The following WDR13 variants were observed in gnomAD, a reference collection of about 807,000 sequenced individuals.
WDR13 encodes WD repeat-containing protein 13.
Under a neutral mutation model 28.6 loss-of-function variants are expected in WDR13, and 1 was observed. The observed-to-expected ratio is 0.03, with a 90% CI of 0.01 to 0.17. The LOEUF (loss-of-function observed/expected upper bound fraction) is 0.17. WDR13 is among the 10% of genes least tolerant of loss of function. The pLI is 1.00. For synonymous variants in WDR13, 201 were observed against 185.9 expected, an observed-to-expected ratio of 1.08 and a Z score of -0.66; for missense variants, 264 against 469.3, an observed-to-expected ratio of 0.56 and a Z score of 4.04.
intron 8 of WDR13, 116 bp from the exon 9 acceptor site, chrX:48,604,156 T>A: frequency 1.2e-5 from 7 of 564,065 alleles, no homozygotes; most frequent in Admixed American, 3.9e-5. Context: ...AAAAAAAAAA[T>A]ATGGGTTTCA....
chrX:48,605,116 T>C lies in WDR13; in HGVS notation c.*84T>C. ...GTAAATAAAGTTTCGGTGGTCATGC[T>C]GAGGGCCGGCTCCCAGCTCTGCCGG... On this transcript the variant is annotated 3_prime_UTR_variant, in exon 10 of 10. Transcript: ENST00000376729. 9 of 1,088,471 alleles carry C rather than the reference T, an allele frequency of 8.3e-6. No homozygotes were observed. Among genetic ancestry groups the C allele is most frequent in the Middle Eastern group, 2.5e-4 (1 of 3,964 alleles). 89.7% of individuals were successfully genotyped at this position (1,088,471 alleles called of 1,213,427 possible). A position where few individuals can be genotyped will look rare whatever the true frequency, so the allele number is the denominator to read the frequency against.
intron 8 of WDR13, among the ~76,000 whole-genome samples, chrX:48,603,025 T>C (rs782435819): frequency 9.0e-6 from 1 of 111,028 alleles, no homozygotes; most frequent in African/African-American, 3.3e-5. Context: ...TGTATGTTTT[T>C]GTTTGTTTGT....
rs1054113603 is a variant in WDR13 at position 48,601,650 on chromosome X, C to T, written c.832-134C>T. ...GTGGATTCATGCCTGGTCACCTTGT[C>T]TACCTGCCACAGCCCTATTGTGAAT... On this transcript the variant is annotated intron_variant, in intron 6 of 9. Coordinates refer to ENST00000376729, the MANE Select transcript of WDR13 (RefSeq NM_001347217.2). 1.7e-4 allele frequency: 106 copies of T among 633,624 alleles called. 2 individuals are homozygous for T. In the Admixed American group the frequency reaches 4.6e-3, roughly 27 times the overall value. The allele number at this position is 633,624 out of a possible 1,213,427, so 52.2% of individuals were successfully genotyped here. A position where few individuals can be genotyped will look rare whatever the true frequency, so the allele number is the denominator to read the frequency against.
intron 9 of WDR13, 65 bp downstream of exon 9, chrX:48,604,455 A>G (rs2062208706): frequency 2.0e-6 from 2 of 1,015,534 alleles, no homozygotes; most frequent in African/African-American, 3.7e-5. Context: ...GCTGGTGCCA[A>G]CCTGGCTCAG....
chrX:48,600,867 G>A (rs932555318), intron 6 of WDR13: 7 of 393,812 alleles, frequency 1.8e-5, no homozygotes, highest in East Asian at 8.7e-5. Flanking sequence ...AGGCGGAGGC[G>A]GGCGGATCAC....
chrX:48,598,044 C>A lies in WDR13; in HGVS notation c.41+7C>A. On this transcript the variant is annotated splice_region_variant and intron_variant, in intron 2 of 9. Coordinates refer to ENST00000376729, the MANE Select transcript of WDR13 (RefSeq NM_001347217.2). ...TCTTAGCAGTGGACGCGAGGTGAGG[C>A]GTGGGGTCAAAGCCCATGGGAGCAG... The A allele has an allele frequency of 8.6e-7, 1 of 1,164,632 alleles. No homozygotes were observed.
At chrX:48,604,685 A>G (rs1405651580) in intron 9 of WDR13, among the ~76,000 whole-genome samples, 163 bp from the exon 10 acceptor site, 1 of 112,419 alleles carries the variant, frequency 8.9e-6, no homozygotes, top group African/African-American at 3.2e-5. Flanking sequence ...CAAAACAGCC[A>G]GGTGACCTCC....
At position 48,606,943 on chromosome X, in the gene WDR13, C is replaced by G. The variant is rs181275425; in HGVS notation, c.*1911C>G. 7 of 111,592 alleles carry G rather than the reference C, an allele frequency of 6.3e-5. No individual in the cohort carries two copies. The East Asian group carries it at 2.0e-3, about 31-fold the overall frequency. 9.2% of individuals were successfully genotyped at this position (111,592 alleles called of 1,213,427 possible). ...TTACTTGCACCCCAAGCATTTCTAACTGGCACTTCCATCTAATAGACCTCA... is the reference window on the plus strand; with the variant it reads ...TTACTTGCACCCCAAGCATTTCTAAGTGGCACTTCCATCTAATAGACCTCA... On this transcript the variant is annotated 3_prime_UTR_variant, in exon 10 of 10. Coordinates refer to ENST00000376729, the MANE Select transcript of WDR13 (RefSeq NM_001347217.2).
chrX:48,607,169 C>G lies in WDR13; in HGVS notation c.*2137C>G, dbSNP rs1013886245. The G allele has an allele frequency of 9.1e-6, 1 of 110,370 alleles. No homozygotes were observed. The highest frequency in any genetic ancestry group is 3.3e-5 in the African/African-American group (1 of 30,307). The allele number at this position is 110,370 out of a possible 1,213,427, so 9.1% of individuals were successfully genotyped here. A position where few individuals can be genotyped will look rare whatever the true frequency, so the allele number is the denominator to read the frequency against. On this transcript the variant is annotated 3_prime_UTR_variant, in exon 10 of 10. Transcript: ENST00000376729. The stretch of plus-strand genomic sequence containing the variant: ...ACAAAAAGATATGGAGCAAAATCAG[C>G]AAAAAGAAATGGTGTGCAGGACCAA...
In WDR13 at chrX:48,600,340, A is replaced by G. The variant is rs1556994009; in HGVS notation, c.545A>G (p.Asn182Ser). The G allele has an allele frequency of 8.3e-7, 1 of 1,201,344 alleles. No individual in the cohort carries two copies. The highest frequency in any genetic ancestry group is 3.0e-5 in the East Asian group (1 of 33,786). ...GCAGTCCCAAGGGTGCGCTTCGCCA[A>G]TGATGACCGACACCGCCTGGCCTGC... ...DEAVPRVRFANDDRHRLACCS... is the reference protein window; with the variant it reads ...DEAVPRVRFASDDRHRLACCS... Residue 182 changes from asparagine (N) to serine (S), a missense_variant, in exon 6 of 10, where the codon AAT becomes AGT. Physicochemically the swap from Asn to Ser is conservative, Grantham distance 46 (BLOSUM62 1). Transcript: ENST00000376729.
chrX:48,604,636 C>T lies in WDR13; in HGVS notation c.1274-212C>T, dbSNP rs371664708. On this transcript the variant is annotated intron_variant, in intron 9 of 9. Coordinates refer to ENST00000376729, the MANE Select transcript of WDR13 (RefSeq NM_001347217.2). ...ACTCACACTTTGAACGCACTAACTC[C>T]CCAAACAGCCCAGAGACCTCGCATT... Among the ~76,000 whole-genome samples, 118 of 112,733 alleles carry T rather than the reference C, an allele frequency of 1.0e-3. 1 individual carries two copies. Among genetic ancestry groups the T allele is most frequent in the East Asian group, 9.0e-3 (32 of 3,559 alleles).
intron 1 of WDR13, 149 bp downstream of exon 1, chrX:48,597,763 G>C (rs1252635974): frequency 2.3e-6 from 1 of 435,053 alleles, no homozygotes; most frequent in African/African-American, 2.6e-5. Context: ...TGTCTGTTCT[G>C]AATCGCTGTG....
In WDR13 at chrX:48,602,515, CCTTT is replaced by C. The variant is rs782305826; in HGVS notation, c.1154+313_1154+316del. 3.3e-3 allele frequency among the ~76,000 whole-genome samples: 343 copies of C among 103,936 alleles called. 3 individuals are homozygous for C. The highest frequency in any genetic ancestry group is 0.011 in the African/African-American group (326 of 29,091). The allele number at this position is 103,936 out of a possible 115,157, so 90.3% of individuals were successfully genotyped here. On this transcript the variant is annotated intron_variant, in intron 8 of 9. Coordinates refer to ENST00000376729, the MANE Select transcript of WDR13 (RefSeq NM_001347217.2). ...GCTACTTAAAGCAGAGACCTGTTTT[CCTTT>C]CTTCCTTCCTTCCTTTTTTTTTTTT... is the stretch of plus-strand genomic sequence containing the variant.
At chrX:48,598,293 A>G in intron 2 of WDR13, 2 of 1,066,579 alleles carry the variant, frequency 1.9e-6, no homozygotes, top group Non-Finnish European at 1.2e-6. Context: ...GGTGGGGCTC[A>G]GGCAGGTGAC....
At position 48,608,772 on chromosome X, in the gene WDR13, ATTCTACT is replaced by A. The variant is rs2062236012; in HGVS notation, c.*3743_*3749del. The A allele has an allele frequency of 9.0e-6, 1 of 111,456 alleles. No homozygotes were observed. Among genetic ancestry groups the A allele is most frequent in the Non-Finnish European group, 1.9e-5 (1 of 53,080 alleles). The allele number at this position is 111,456 out of a possible 1,213,427, so 9.2% of individuals were successfully genotyped here. A position where few individuals can be genotyped will look rare whatever the true frequency, so the allele number is the denominator to read the frequency against. The stretch of plus-strand genomic sequence containing the variant: ...GAAATTTTGAGGTGGCAGATTTGAC[ATTCTACT>A]TTAAACTCATCTTGGTGGCACTTTT... On this transcript the variant is annotated 3_prime_UTR_variant, in exon 10 of 10. Transcript: ENST00000376729.
intron 6 of WDR13, among the ~76,000 whole-genome samples, chrX:48,601,328 G>A (rs782531115): frequency 2.7e-5 from 3 of 112,733 alleles, no homozygotes; most frequent in South Asian, 7.3e-4. Flanking sequence ...AGAGAGCAGG[G>A]GAAGGACATT....
chrX:48,598,812 AC>A lies in WDR13; in HGVS notation c.143del (p.Pro48GlnfsTer8). 8.3e-7 allele frequency: 1 copy of A among 1,203,792 alleles called. No individual in the cohort carries two copies. The highest frequency in any genetic ancestry group is 1.1e-6 in the Non-Finnish European group (1 of 891,981). ...CTGCGGGAGAATGCCAAGGCTGGGCACCCCCCAGCGCTGCGTCGGCAGTACC... is the reference window on the plus strand; with the variant it reads ...CTGCGGGAGAATGCCAAGGCTGGGCACCCCCAGCGCTGCGTCGGCAGTACC... ...QLLRENAKAG[H>X]PPALRRQYLR... On this transcript the variant is annotated frameshift_variant, in exon 3 of 10. Transcript: ENST00000376729. LOFTEE classifies it high-confidence loss of function.
Position 48,601,899 on chromosome X carries a change from G to T in WDR13, c.947G>T (p.Gly316Val). The change falls in exon 7 of 10, where the codon GGC becomes GTC. Residue 316 changes from glycine (G) to valine (V), a missense_variant. Gly to Val is a moderately radical substitution (Grantham distance 109). This residue lies in a region of WDR13 where 157 missense variants were observed against 270.2 expected (regional missense o/e 0.58). Transcript: ENST00000376729. ...CTTGCTCTGTCCTTTGATGCCCCTG[G>T]CCGGCTGCTCTGGGCGGGTGATGAC... is the stretch of plus-strand genomic sequence containing the variant. ...RVLALSFDAP[G>V]RLLWAGDDRG... 8.3e-7 allele frequency: 1 copy of T among 1,205,661 alleles called. No individual in the cohort carries two copies. The highest frequency in any genetic ancestry group is 1.1e-6 in the Non-Finnish European group (1 of 891,713).
In WDR13 at chrX:48,602,218, A is replaced by G. The variant is rs782649002; in HGVS notation, c.1154+12A>G. On this transcript the variant is annotated intron_variant, in intron 8 of 9. Transcript: ENST00000376729. ...TTGCTGCTCTACAGGTGGGTCCCCCATCAGGGCCTCCTGGAGACGGAGGAC... is the reference window on the plus strand; with the variant it reads ...TTGCTGCTCTACAGGTGGGTCCCCCGTCAGGGCCTCCTGGAGACGGAGGAC... 1 of 1,200,606 alleles carries G rather than the reference A, an allele frequency of 8.3e-7. No homozygotes were observed. Among genetic ancestry groups the G allele is most frequent in the South Asian group, 1.8e-5 (1 of 56,407 alleles).
Sources: allele counts gnomAD v4.1 joint callset (sites outside exome capture counted in the v4.1 genomes callset), GRCh38; gene constraint gnomAD v4.1.1; regional missense constraint gnomAD v4.1.1; transcripts MANE v1.5; gene names NCBI Gene and HGNC (gene_info 2026-07-23, HGNC 2026-07-21).